The following IL1RAPL2 variants were observed in gnomAD, a reference collection of about 807,000 sequenced individuals.
IL1RAPL2 encodes the protein interleukin 1 receptor accessory protein like 2, also known as X-linked interleukin-1 receptor accessory protein-like 2.
A neutral mutation model predicts 44.1 loss-of-function variants in IL1RAPL2; 3 were observed. The ratio of observed to expected loss-of-function variants is 0.07; its 90% CI spans 0.03 to 0.18. The LOEUF is 0.18. Among genes scored for constraint, IL1RAPL2 ranks in the 10% least tolerant of loss-of-function variants. The pLI is 1.00. For synonymous variants in IL1RAPL2, 181 were observed against 178.8 expected, an observed-to-expected ratio of 1.01 and a Z score of -0.10; for missense variants, 391 against 496.4, an observed-to-expected ratio of 0.79 and a Z score of 2.02.
At chrX:104,630,008 G>T (rs1159735513) in intron 1 of IL1RAPL2, among the ~76,000 whole-genome samples, 6 of 111,017 alleles carry the variant, frequency 5.4e-5, no homozygotes, top group Non-Finnish European at 1.1e-4. Context: ...TTTTGAGATG[G>T]AATCTCGCTC....
intron 6 of IL1RAPL2, among the ~76,000 whole-genome samples, chrX:105,644,171 G>A (rs191170583): frequency 1.9e-3 from 208 of 111,763 alleles, no homozygotes; most frequent in Middle Eastern, 4.7e-3. Flanking sequence ...GATTACAGGC[G>A]TGAGCCACTG....
intron 8 of IL1RAPL2, among the ~76,000 whole-genome samples, chrX:105,741,998 A>G (rs2038503871): frequency 9.0e-6 from 1 of 111,361 alleles, no homozygotes; most frequent in Admixed American, 9.6e-5. Context: ...GCAGGTATTG[A>G]TCATGCCCAA....
chrX:105,472,837 A>G (rs2036174141), intron 5 of IL1RAPL2, among the ~76,000 whole-genome samples: 1 of 112,028 alleles, frequency 8.9e-6, no homozygotes. Context: ...AAGTAAAACT[A>G]CTTTATTTTC....
intron 2 of IL1RAPL2, among the ~76,000 whole-genome samples, chrX:104,866,034 T>C (rs1261748265): frequency 2.7e-5 from 3 of 112,586 alleles, no homozygotes; most frequent in African/African-American, 9.7e-5. Flanking sequence ...TTTCCTTCTA[T>C]AGTGACCACA....
chrX:105,377,370 C>CTGTGTGTGTGTGTGTGTGTG (rs750610467), intron 5 of IL1RAPL2, among the ~76,000 whole-genome samples: 1 of 99,144 alleles, frequency 1.0e-5, no homozygotes, highest in Admixed American at 1.1e-4. Context: ...GTGTGTGTGT[C>CTGTGTGTGTGTGTGTGTGTG]TGTGTGTGTG....
chrX:104,663,922 T>C (rs1022245458), intron 2 of IL1RAPL2, among the ~76,000 whole-genome samples: 5 of 109,804 alleles, frequency 4.6e-5, no homozygotes, highest in African/African-American at 1.3e-4. Context: ...TGTTGAACTG[T>C]TACTGTATGT....
intron 1 of IL1RAPL2, among the ~76,000 whole-genome samples, chrX:104,656,444 T>C (rs916090267): frequency 8.9e-6 from 1 of 112,145 alleles, no homozygotes; most frequent in Non-Finnish European, 1.9e-5. Flanking sequence ...CCAGTAATCA[T>C]TCAGGAGCAT....
intron 2 of IL1RAPL2, among the ~76,000 whole-genome samples, chrX:105,030,644 T>C (rs1446745550): frequency 8.9e-6 from 1 of 112,048 alleles, no homozygotes; most frequent in Admixed American, 9.5e-5. Flanking sequence ...TTTTGGTTAC[T>C]GTAGCCTTGT....
In IL1RAPL2 at chrX:104,829,267, C is replaced by A. The variant is rs538184356; in HGVS notation, c.82+170272C>A. On this transcript the variant is annotated intron_variant, in intron 2 of 10. Coordinates refer to ENST00000372582, the MANE Select transcript of IL1RAPL2 (RefSeq NM_017416.2). Reference sequence around the variant, plus strand: ...CCCAGGGCTCTTGTGGTATAGGCACCCAAGGGAATCTCCTGTTCTGTGGGT... The same window carrying A: ...CCCAGGGCTCTTGTGGTATAGGCACACAAGGGAATCTCCTGTTCTGTGGGT... Among the ~76,000 whole-genome samples, 16 of 111,874 alleles carry A rather than the reference C, an allele frequency of 1.4e-4. No individual in the cohort carries two copies. In the South Asian group the frequency reaches 6.0e-3, roughly 42 times the overall value.
intron 2 of IL1RAPL2, among the ~76,000 whole-genome samples, chrX:104,885,352 G>A (rs1412630305): frequency 2.7e-5 from 3 of 111,382 alleles, no homozygotes; most frequent in Non-Finnish European, 3.8e-5. Context: ...GTTCTAGAAG[G>A]ACTAAGAAGA....
intron 6 of IL1RAPL2, among the ~76,000 whole-genome samples, chrX:105,624,103 GAGA>G (rs906285912): frequency 9.9e-5 from 11 of 111,174 alleles, no homozygotes; most frequent in South Asian, 3.8e-4. Flanking sequence ...AGGCCCTGAA[GAGA>G]AGAAGAACTT....
intron 2 of IL1RAPL2, among the ~76,000 whole-genome samples, chrX:104,994,936 G>A (rs1216492889): frequency 9.1e-6 from 1 of 110,361 alleles, no homozygotes; most frequent in East Asian, 2.9e-4. Flanking sequence ...CAAGACCTGG[G>A]TATTTCAGAC....
intron 2 of IL1RAPL2, among the ~76,000 whole-genome samples, chrX:105,144,892 A>G (rs2033165425): frequency 9.0e-6 from 1 of 110,867 alleles, no homozygotes; most frequent in Admixed American, 9.7e-5. Flanking sequence ...CACCAGTCCA[A>G]GGAGCTAGTC....
At chrX:104,895,814 C>A (rs1190587994) in intron 2 of IL1RAPL2, among the ~76,000 whole-genome samples, 1 of 111,782 alleles carries the variant, frequency 8.9e-6, no homozygotes, top group Non-Finnish European at 1.9e-5. Flanking sequence ...TCGGACAAGC[C>A]CCAGTGAGAT....
intron 5 of IL1RAPL2, among the ~76,000 whole-genome samples, chrX:105,454,263 T>C (rs556634918): frequency 1.1e-4 from 12 of 111,768 alleles, no homozygotes; most frequent in African/African-American, 3.3e-4. Context: ...GCTGTATTGC[T>C]CCAGAGACAG....
chrX:105,116,166 C>T (rs1430315560), intron 2 of IL1RAPL2, among the ~76,000 whole-genome samples: 1 of 112,647 alleles, frequency 8.9e-6, no homozygotes, highest in Admixed American at 9.3e-5. Flanking sequence ...ACAGTGCAGC[C>T]GCGGGCTGAA....
intron 5 of IL1RAPL2, among the ~76,000 whole-genome samples, chrX:105,363,289 A>AATATATATATATATATATAATAT (rs1207315551): frequency 1.3e-5 from 1 of 76,236 alleles, no homozygotes; most frequent in Non-Finnish European, 2.2e-5. Context: ...ATATATATAT[A>AATATATATATATATATATAATAT]ATATATATAT....
At chrX:105,670,142 T>TATATATATATATATATATATAA (rs1365896538) in intron 6 of IL1RAPL2, among the ~76,000 whole-genome samples, 18 of 52,973 alleles carry the variant, frequency 3.4e-4, no homozygotes, top group African/African-American at 1.3e-3. Flanking sequence ...TATATATATA[T>TATATATATATATATATATATAA]ATATATCTCC....
At chrX:104,669,817 G>C (rs932178274) in intron 2 of IL1RAPL2, among the ~76,000 whole-genome samples, 1 of 111,413 alleles carries the variant, frequency 9.0e-6, no homozygotes, top group Middle Eastern at 4.2e-3. Flanking sequence ...CAGGCACTTT[G>C]AACTTCAAAA....
Sources: gnomAD v4.1 joint callset for allele counts (sites outside exome capture counted in the v4.1 genomes callset) on GRCh38, gnomAD v4.1.1 for gene constraint, MANE v1.5 for transcripts, NCBI Gene and HGNC (gene_info 2026-07-23, HGNC 2026-07-21) for gene names.